The following SAMMSON variants were observed in gnomAD, a reference collection of about 807,000 sequenced individuals.
The protein encoded by SAMMSON is long intergenic non-protein coding RNA 1212.
At chr3:70,093,523 C>A (rs2067312917) in intron 4 of SAMMSON, among the ~76,000 whole-genome samples, 1 of 152,158 alleles carries the variant, frequency 6.6e-6, no homozygotes. Flanking sequence ...CCACAACCGT[C>A]TTCTGAATTA....
intron 6 of SAMMSON, among the ~76,000 whole-genome samples, chr3:70,267,576 GTATTT>G (rs1701929952): frequency 2.0e-5 from 2 of 98,656 alleles, no homozygotes; most frequent in Admixed American, 2.0e-4. Flanking sequence ...CTAATTTTTT[GTATTT>G]TTTTTTTTTT....
In SAMMSON at chr3:70,012,864, A is replaced by T. The variant is rs541551094; in HGVS notation, n.264+266A>T. ...CAATGGGAAGTTCTCGTACATAGAT[A>T]GGATGGTATAAGGGTCTTGGGGCCT... is the stretch of plus-strand genomic sequence containing the variant. On this transcript the variant is annotated intron_variant and non_coding_transcript_variant, in intron 2 of 9. Coordinates refer to ENST00000642114, the Ensembl canonical transcript of SAMMSON. 7.9e-5 allele frequency among the ~76,000 whole-genome samples: 12 copies of T among 152,234 alleles called. No homozygotes were observed. The East Asian group carries it at 1.7e-3, about 22-fold the overall frequency.
intron 7 of SAMMSON, among the ~76,000 whole-genome samples, chr3:70,316,728 C>T (rs1702497050): frequency 6.6e-6 from 1 of 151,996 alleles, no homozygotes; most frequent in Admixed American, 6.6e-5. Context: ...CATAGGTTCT[C>T]CCAGGAGAAG....
chr3:70,151,397 A>G (rs1008141570), intron 4 of SAMMSON, among the ~76,000 whole-genome samples: 1 of 152,058 alleles, frequency 6.6e-6, no homozygotes, highest in Non-Finnish European at 1.5e-5. Flanking sequence ...ATTCTTTGCT[A>G]CTGCCAGCAT....
chr3:70,066,426 A>G (rs2067210705), intron 3 of SAMMSON, among the ~76,000 whole-genome samples: 1 of 152,094 alleles, frequency 6.6e-6, no homozygotes, highest in Non-Finnish European at 1.5e-5. Flanking sequence ...TATAGGAAGA[A>G]TGGGAAATCT....
intron 7 of SAMMSON, among the ~76,000 whole-genome samples, chr3:70,326,962 A>G (rs1522336): frequency 0.83 from 126,884 of 152,130 alleles, 53,000 homozygotes; most frequent in East Asian, 0.94. Context: ...GGGTTTAAGA[A>G]ATTCTGCTGC....
In SAMMSON at chr3:70,215,419, C is replaced by T. The variant is rs148262167; in HGVS notation, n.508-33688C>T. 4.6e-5 allele frequency among the ~76,000 whole-genome samples: 7 copies of T among 152,224 alleles called. No individual in the cohort carries two copies. The East Asian group carries it at 1.4e-3, about 29-fold the overall frequency. ...TTTGTCCCTTCTGACTTACCCCTCT[C>T]CAGGTTAATTGATCCTGCTGGTATT... On this transcript the variant is annotated intron_variant and non_coding_transcript_variant, in intron 4 of 9. Coordinates refer to ENST00000642114, the Ensembl canonical transcript of SAMMSON.
chr3:70,162,448 AT>A (rs928637838), intron 4 of SAMMSON, among the ~76,000 whole-genome samples: 25 of 151,154 alleles, frequency 1.7e-4, no homozygotes, highest in East Asian at 3.9e-4. Context: ...GGACTTTACA[AT>A]TTTTTTTTCT....
intron 4 of SAMMSON, among the ~76,000 whole-genome samples, chr3:70,190,325 C>T (rs537730847): frequency 2.0e-5 from 3 of 152,298 alleles, no homozygotes; most frequent in Admixed American, 6.5e-5. Context: ...TCTCTACTCT[C>T]CTGGCTTTAA....
intron 6 of SAMMSON, among the ~76,000 whole-genome samples, chr3:70,263,559 T>C (rs1375120045): frequency 6.6e-6 from 1 of 152,192 alleles, no homozygotes; most frequent in South Asian, 2.1e-4. Context: ...GACAGATCTC[T>C]AGTAGTTGTT....
At chr3:70,373,091 T>C (rs1252782850) in intron 9 of SAMMSON, among the ~76,000 whole-genome samples, 1 of 152,204 alleles carries the variant, frequency 6.6e-6, no homozygotes, top group Non-Finnish European at 1.5e-5. Context: ...TCTTTCTTCC[T>C]TCTTGACATT....
chr3:70,295,308 A>G (rs939195419), intron 7 of SAMMSON, among the ~76,000 whole-genome samples: 2 of 152,196 alleles, frequency 1.3e-5, no homozygotes, highest in African/African-American at 4.8e-5. Context: ...AATGTTAAGC[A>G]ATTGACCAAG....
At chr3:70,336,355 A>G (rs1702660122) in intron 7 of SAMMSON, among the ~76,000 whole-genome samples, 1 of 152,038 alleles carries the variant, frequency 6.6e-6, no homozygotes, top group Non-Finnish European at 1.5e-5. Context: ...ATGCTTCACA[A>G]ATACTCTTTT....
rs1414397326 is a variant in SAMMSON, at chr3:70,044,884, TTTAA to T, written n.418-26588_418-26585del. On this transcript the variant is annotated intron_variant and non_coding_transcript_variant, in intron 3 of 9. Transcript: ENST00000642114. The stretch of plus-strand genomic sequence containing the variant: ...TTTAATTAAACTTTAAATAAAATAC[TTTAA>T]TTATATTAAAATATTACATAAAGTA... Among the ~76,000 whole-genome samples, 6 of 146,230 alleles carry T rather than the reference TTTAA, an allele frequency of 4.1e-5. No individual in the cohort carries two copies. The East Asian group carries it at 5.9e-4, about 14-fold the overall frequency.
At chr3:70,225,618 C>T (rs1449688136) in intron 4 of SAMMSON, among the ~76,000 whole-genome samples, 1 of 152,124 alleles carries the variant, frequency 6.6e-6, no homozygotes, top group Non-Finnish European at 1.5e-5. Flanking sequence ...AGAAGCATGC[C>T]TAATTCCAAG....
chr3:70,388,035 G>T (rs1449992010), intron 9 of SAMMSON, among the ~76,000 whole-genome samples: 1 of 152,120 alleles, frequency 6.6e-6, no homozygotes, highest in East Asian at 1.9e-4. Flanking sequence ...CTGAAACAAT[G>T]ATGTGATGAA....
At chr3:70,138,966 C>A (rs1364698995) in intron 4 of SAMMSON, among the ~76,000 whole-genome samples, 2 of 152,150 alleles carry the variant, frequency 1.3e-5, no homozygotes, top group Admixed American at 6.6e-5. Context: ...ACTGTAACCT[C>A]AAATTCCTAG....
intron 1 of SAMMSON, among the ~76,000 whole-genome samples, chr3:70,002,771 A>G (rs1236529151): frequency 6.6e-6 from 1 of 152,146 alleles, no homozygotes; most frequent in Admixed American, 6.5e-5. Flanking sequence ...GAGTTACTTC[A>G]TGGCCTGTTA....
downstream of SAMMSON, among the ~76,000 whole-genome samples, chr3:70,390,240 A>T (rs1187686431): frequency 1.3e-5 from 2 of 152,056 alleles, no homozygotes; most frequent in African/African-American, 2.4e-5. Context: ...GCCTGGTAAA[A>T]TTTTTTTATT....
Sources: gnomAD v4.1 joint callset for allele counts (sites outside exome capture counted in the v4.1 genomes callset) on GRCh38, gnomAD v4.1.1 for gene constraint, MANE v1.5 for transcripts, NCBI Gene and HGNC (gene_info 2026-07-23, HGNC 2026-07-21) for gene names.